The following DACH1 variants were observed in gnomAD, a reference collection of about 807,000 sequenced individuals.
DACH1 encodes the protein dachshund family transcription factor 1.
A neutral mutation model predicts 54.2 loss-of-function variants in DACH1; 12 were observed. That is an observed-to-expected ratio of 0.22 (90% confidence interval 0.14 to 0.36). The LOEUF is 0.36. DACH1 is among the 10% of genes least tolerant of loss of function. The pLI is 1.00. For missense variants in DACH1, 805 were observed against 929.8 expected, an observed-to-expected ratio of 0.87 and a Z score of 1.75; for synonymous variants, 386 against 366.2, an observed-to-expected ratio of 1.05 and a Z score of -0.62.
intron 1 of DACH1, among the ~76,000 whole-genome samples, chr13:71,731,433 G>A (rs1883742146): frequency 6.6e-6 from 1 of 151,674 alleles, no homozygotes; most frequent in African/African-American, 2.4e-5. Flanking sequence ...ACAGGCGCCC[G>A]CCATCACACC....
At chr13:71,654,145 C>CT (rs2138631050) in intron 2 of DACH1, among the ~76,000 whole-genome samples, 1 of 152,048 alleles carries the variant, frequency 6.6e-6, no homozygotes, top group South Asian at 2.1e-4. Flanking sequence ...AATTCCAGCA[C>CT]TTTGGGAGGC....
intron 3 of DACH1, among the ~76,000 whole-genome samples, chr13:71,621,428 C>A (rs557353851): frequency 6.6e-6 from 1 of 152,000 alleles, no homozygotes; most frequent in African/African-American, 2.4e-5. Context: ...GCTGGTACAG[C>A]GTGTGACTGA....
intron 2 of DACH1, among the ~76,000 whole-genome samples, chr13:71,677,456 C>A (rs1880643813): frequency 6.6e-6 from 1 of 152,102 alleles, no homozygotes; most frequent in Admixed American, 6.5e-5. Context: ...ACTCAAGCAG[C>A]CAAAATAACA....
intron 1 of DACH1, among the ~76,000 whole-genome samples, chr13:71,723,295 C>A (rs987817235): frequency 6.6e-6 from 1 of 151,680 alleles, no homozygotes. Flanking sequence ...ATGCCTGTAG[C>A]CCCAGCTACT....
chr13:71,626,672 T>C (rs1423649516), intron 3 of DACH1, among the ~76,000 whole-genome samples: 1 of 151,988 alleles, frequency 6.6e-6, no homozygotes, highest in Non-Finnish European at 1.5e-5. Context: ...CAAAGACATC[T>C]CAGTAATCAA....
At chr13:71,795,187 G>GT (rs35577505) in intron 1 of DACH1, among the ~76,000 whole-genome samples, 52 of 151,534 alleles carry the variant, frequency 3.4e-4, no homozygotes, top group Non-Finnish European at 4.7e-4. Context: ...TTTACAAAAT[G>GT]TTTTTTTTTG....
chr13:71,815,683 T>G (rs545752670), intron 1 of DACH1, among the ~76,000 whole-genome samples: 1 of 152,206 alleles, frequency 6.6e-6, no homozygotes, highest in African/African-American at 2.4e-5. Context: ...ATAAATGATA[T>G]AAGCAAAATT....
At chr13:71,775,512 TA>T in intron 1 of DACH1, among the ~76,000 whole-genome samples, 1 of 152,238 alleles carries the variant, frequency 6.6e-6, no homozygotes, top group Non-Finnish European at 1.5e-5. Flanking sequence ...GTTTTGTCTC[TA>T]AAAATAAACA....
At chr13:71,792,699 G>C (rs552924623) in intron 1 of DACH1, among the ~76,000 whole-genome samples, 3 of 152,250 alleles carry the variant, frequency 2.0e-5, no homozygotes, top group Admixed American at 1.3e-4. Flanking sequence ...CCACTAGAAG[G>C]AGGCATATAC....
intron 6 of DACH1, among the ~76,000 whole-genome samples, chr13:71,500,280 T>C (rs1478426225): frequency 6.6e-6 from 1 of 152,104 alleles, no homozygotes. Flanking sequence ...TTAATATGAC[T>C]TTAGAAGTAA....
At chr13:71,548,332 C>T (rs1883590961) in intron 6 of DACH1, among the ~76,000 whole-genome samples, 1 of 152,066 alleles carries the variant, frequency 6.6e-6, no homozygotes, top group African/African-American at 2.4e-5. Context: ...ATATTCTATT[C>T]CTTTATTCCA....
intron 2 of DACH1, among the ~76,000 whole-genome samples, chr13:71,641,895 A>T (rs1877929684): frequency 6.6e-6 from 1 of 152,168 alleles, no homozygotes; most frequent in African/African-American, 2.4e-5. Context: ...ATTATATTCA[A>T]CCCATCTCAC....
At chr13:71,779,312 CAT>C (rs759721098) in intron 1 of DACH1, among the ~76,000 whole-genome samples, 48 of 142,714 alleles carry the variant, frequency 3.4e-4, no homozygotes, top group South Asian at 6.6e-4. Context: ...TATTTATATA[CAT>C]ATATATATAA....
At chr13:71,534,434 T>C (rs1882622353) in intron 6 of DACH1, among the ~76,000 whole-genome samples, 1 of 152,014 alleles carries the variant, frequency 6.6e-6, no homozygotes, top group African/African-American at 2.4e-5. Context: ...AAATATTTAT[T>C]ACTTTAATAA....
At chr13:71,584,821 T>C (rs1345569266) in intron 3 of DACH1, among the ~76,000 whole-genome samples, 1 of 152,046 alleles carries the variant, frequency 6.6e-6, no homozygotes, top group African/African-American at 2.4e-5. Flanking sequence ...ATATTGGAAA[T>C]CTTAGGGAGG....
intron 1 of DACH1, among the ~76,000 whole-genome samples, chr13:71,834,786 G>T (rs557420835): frequency 2.0e-5 from 3 of 152,126 alleles, no homozygotes; most frequent in East Asian, 3.9e-4. Flanking sequence ...TGAGATCAAA[G>T]AAATCATGTG....
chr13:71,454,488 T>A (rs1262546128), intron 10 of DACH1, among the ~76,000 whole-genome samples: 2 of 152,200 alleles, frequency 1.3e-5, no homozygotes, highest in Non-Finnish European at 2.9e-5. Flanking sequence ...AAGATTAGGT[T>A]CTAAAAAGAC....
At chr13:71,693,469 A>ATTT (rs748598587) in intron 1 of DACH1, among the ~76,000 whole-genome samples, 35 of 119,268 alleles carry the variant, frequency 2.9e-4, no homozygotes, top group African/African-American at 7.7e-4. Flanking sequence ...CGCCCGGCAA[A>ATTT]TTTTTTTTTT....
chr13:71,694,445 A>G (rs1439824562), intron 1 of DACH1, among the ~76,000 whole-genome samples: 6 of 70,942 alleles, frequency 8.5e-5, no homozygotes, highest in African/African-American at 4.2e-4. Flanking sequence ...TTAATTCATT[A>G]CCTGACATAG....
Sources: gnomAD v4.1 joint callset for allele counts (sites outside exome capture counted in the v4.1 genomes callset) on GRCh38, gnomAD v4.1.1 for gene constraint, MANE v1.5 for transcripts, NCBI Gene and HGNC (gene_info 2026-07-23, HGNC 2026-07-21) for gene names.